Variants in RUNDC3B observed in about 807,000 individuals in gnomAD.
The protein encoded by RUNDC3B is RUN domain-containing protein 3B.
RUNDC3B carries 33 observed loss-of-function variants against 58.4 expected under a neutral mutation model. The ratio of observed to expected loss-of-function variants is 0.56; its 90% CI spans 0.43 to 0.75. The LOEUF is 0.75. RUNDC3B is among the 30% of genes least tolerant of loss of function. The pLI, the probability that RUNDC3B is intolerant of heterozygous loss-of-function variation, is 0.00. For synonymous variants in RUNDC3B, 193 were observed against 195.2 expected (o/e 0.99, Z 0.10); for missense variants, 501 against 535.7 (o/e 0.94, Z 0.64).
chr7:87,700,545 T>C lies in RUNDC3B; in HGVS notation c.363T>C (p.Ser121=). The C allele has an allele frequency of 1.2e-6, 2 of 1,611,956 alleles. No homozygotes were observed. The highest frequency in any genetic ancestry group is 8.5e-7 in the Non-Finnish European group (1 of 1,179,458). ...SIENMENVSS[S]RAKGRAWIRV... ...AAAATATGGAAAATGTCAGTTCTTC[T>C]AGAGCTAAGGTAAGACATTGGTCAG... is the stretch of plus-strand genomic sequence containing the variant. Residue 121 remains serine, a synonymous_variant, in exon 3 of 11, where the codon TCT becomes TCC. Coordinates refer to ENST00000394654, the MANE Select transcript of RUNDC3B (RefSeq NM_001134405.2).
chr7:87,811,654 T>A (rs1027634193), intron 9 of RUNDC3B, among the ~76,000 whole-genome samples: 1 of 152,118 alleles, frequency 6.6e-6, no homozygotes, highest in African/African-American at 2.4e-5. Flanking sequence ...GGCTTTTAAT[T>A]TTTTATAATG....
At chr7:87,690,207 A>G (rs938462622) in intron 2 of RUNDC3B, among the ~76,000 whole-genome samples, 2 of 151,732 alleles carry the variant, frequency 1.3e-5, no homozygotes, top group African/African-American at 4.8e-5. Context: ...TATTTTTATT[A>G]CTCTTATTAT....
chr7:87,823,091 GCTAAA>G (rs1837581439), intron 10 of RUNDC3B, among the ~76,000 whole-genome samples: 1 of 151,888 alleles, frequency 6.6e-6, no homozygotes, highest in Non-Finnish European at 1.5e-5. Flanking sequence ...AAGCTAGCTA[GCTAAA>G]CTACTCTGCC....
chr7:87,698,607 A>G (rs985085801), intron 2 of RUNDC3B, among the ~76,000 whole-genome samples: 3 of 152,192 alleles, frequency 2.0e-5, no homozygotes, highest in East Asian at 1.9e-4. Flanking sequence ...TGTTCATTGC[A>G]TTTAAGATTA....
intron 2 of RUNDC3B, among the ~76,000 whole-genome samples, chr7:87,658,656 A>C (rs1228525246): frequency 6.6e-6 from 1 of 152,248 alleles, no homozygotes; most frequent in Non-Finnish European, 1.5e-5. Flanking sequence ...CTTGCCTACA[A>C]GTAAGCAATT....
chr7:87,675,171 C>T (rs571195579), intron 2 of RUNDC3B, among the ~76,000 whole-genome samples: 3 of 152,314 alleles, frequency 2.0e-5, no homozygotes, highest in South Asian at 2.1e-4. Flanking sequence ...CTTAGCCTCC[C>T]CATGCTGGGT....
intron 4 of RUNDC3B, among the ~76,000 whole-genome samples, chr7:87,722,881 C>T (rs529864816): frequency 3.4e-4 from 52 of 152,238 alleles, no homozygotes; most frequent in African/African-American, 1.1e-3. Context: ...AAACTATTTC[C>T]GATTCACTGA....
intron 2 of RUNDC3B, among the ~76,000 whole-genome samples, chr7:87,667,983 G>A (rs1825435833): frequency 1.3e-5 from 2 of 152,034 alleles, no homozygotes; most frequent in African/African-American, 4.8e-5. Flanking sequence ...TGGGTATTAA[G>A]ATGATGTTGG....
chr7:87,781,015 A>G (rs982917492), intron 8 of RUNDC3B, among the ~76,000 whole-genome samples: 1 of 152,064 alleles, frequency 6.6e-6, no homozygotes, highest in African/African-American at 2.4e-5. Flanking sequence ...GTGAAAAATG[A>G]TGTTGGTATT....
chr7:87,692,622 G>T (rs1279205648), intron 2 of RUNDC3B, among the ~76,000 whole-genome samples: 1 of 152,118 alleles, frequency 6.6e-6, no homozygotes, highest in Non-Finnish European at 1.5e-5. Context: ...GATTTTCATG[G>T]AAATTGTTTT....
chr7:87,721,745 C>T (rs550392075), intron 4 of RUNDC3B, among the ~76,000 whole-genome samples: 1 of 152,124 alleles, frequency 6.6e-6, no homozygotes, highest in African/African-American at 2.4e-5. Context: ...TTATTTCTCA[C>T]TGTTATGCTC....
chr7:87,813,395 A>G (rs896882387), intron 9 of RUNDC3B, among the ~76,000 whole-genome samples: 7 of 152,166 alleles, frequency 4.6e-5, no homozygotes, highest in African/African-American at 1.7e-4. Flanking sequence ...GTAAATGTGT[A>G]CTGTCAGATT....
rs137994911 is a variant in RUNDC3B at position 87,818,761 on chromosome 7, C to A, written c.1225+2499C>A. On this transcript the variant is annotated intron_variant, in intron 10 of 10. Transcript: ENST00000394654. ...AAAGAAGGAATTGGGATGTTTGTGG[C>A]AGGCTTAGATTGATCAAAAATCACC... Among the ~76,000 whole-genome samples the A allele has an allele frequency of 1.4e-4, 21 of 152,246 alleles. No homozygotes were observed. The East Asian group carries it at 3.1e-3, about 22-fold the overall frequency.
intron 10 of RUNDC3B, among the ~76,000 whole-genome samples, chr7:87,820,639 A>G (rs958669148): frequency 1.3e-5 from 2 of 152,140 alleles, no homozygotes; most frequent in South Asian, 2.1e-4. Flanking sequence ...AAAATCCTCA[A>G]TAAAATACTA....
intron 8 of RUNDC3B, among the ~76,000 whole-genome samples, chr7:87,784,502 C>T (rs926022150): frequency 2.0e-5 from 3 of 151,518 alleles, no homozygotes; most frequent in African/African-American, 2.4e-5. Flanking sequence ...TGTAGGGGTT[C>T]CTTAGTTTGG....
intron 3 of RUNDC3B, among the ~76,000 whole-genome samples, chr7:87,706,970 T>C (rs926806736): frequency 5.3e-5 from 8 of 152,186 alleles, no homozygotes; most frequent in African/African-American, 1.9e-4. Context: ...GAAGGGGAAC[T>C]GTAAACACTC....
At chr7:87,720,317 G>C (rs1184716683) in intron 4 of RUNDC3B, among the ~76,000 whole-genome samples, 6 of 152,032 alleles carry the variant, frequency 3.9e-5, no homozygotes, top group Non-Finnish European at 5.9e-5. Context: ...TAGATAGAAA[G>C]ATGAGAGAGA....
At position 87,628,835 on chromosome 7, in the gene RUNDC3B, G is replaced by A. The variant is rs781542536; in HGVS notation, c.12G>A (p.Arg4=). MAS[R]SLGGLSGIRG... ...GGGGTAAGCCCGCCATGGCCTCCCGGAGCCTGGGGGGCCTGAGCGGGATCC... is the reference window on the plus strand; with the variant it reads ...GGGGTAAGCCCGCCATGGCCTCCCGAAGCCTGGGGGGCCTGAGCGGGATCC... Residue 4 remains arginine, a synonymous_variant, in exon 1 of 11, where the codon CGG becomes CGA. Coordinates refer to ENST00000394654, the MANE Select transcript of RUNDC3B (RefSeq NM_001134405.2). 1.7e-5 allele frequency: 21 copies of A among 1,259,490 alleles called. No individual in the cohort carries two copies. Among genetic ancestry groups the A allele is most frequent in the Middle Eastern group, 4.5e-4 (2 of 4,448 alleles). The allele number at this position is 1,259,490 out of a possible 1,614,324, so 78.0% of individuals were successfully genotyped here.
intron 2 of RUNDC3B, among the ~76,000 whole-genome samples, chr7:87,696,972 T>C (rs1043349888): frequency 2.0e-5 from 3 of 152,186 alleles, no homozygotes; most frequent in Non-Finnish European, 2.9e-5. Flanking sequence ...TTTTCTCTCC[T>C]CCAAAACAGG....
Sources: allele counts gnomAD v4.1 joint callset (sites outside exome capture counted in the v4.1 genomes callset), GRCh38; gene constraint gnomAD v4.1.1; transcripts MANE v1.5; gene names NCBI Gene and HGNC (gene_info 2026-07-23, HGNC 2026-07-21).